AUNIP: variants seen among roughly 807,000 people sequenced by gnomAD.
The protein encoded by AUNIP is aurora kinase A- and ninein-interacting protein.
In AUNIP, 16 loss-of-function variants were observed where a neutral mutation model predicts 12.2. That is an observed-to-expected ratio of 1.31 (90% CI 0.88 to 1.99). The LOEUF (loss-of-function observed/expected upper bound fraction) is 1.99. Ranked by LOEUF, AUNIP falls within the 30% of genes most tolerant of loss-of-function variation. The pLI is 0.00. For synonymous variants in AUNIP, 142 were observed against 154.8 expected, an observed-to-expected ratio of 0.92 and a Z score of 0.61; for missense variants, 411 against 419.1, an observed-to-expected ratio of 0.98 and a Z score of 0.17.
chr1:25,854,109 G>T (rs1024042681), intron 1 of AUNIP, among the ~76,000 whole-genome samples: 2 of 152,092 alleles, frequency 1.3e-5, no homozygotes, highest in South Asian at 2.1e-4. Context: ...TACTCATAAG[G>T]TGAGGCAGGA....
At chr1:25,843,182 A>AT (rs1334874987) in intron 1 of AUNIP, among the ~76,000 whole-genome samples, 8,163 of 139,668 alleles carry the variant, frequency 0.058, 239 homozygotes, top group Non-Finnish European at 0.064. Flanking sequence ...CAAAAAAAAA[A>AT]AAAATATATA....
intron 1 of AUNIP, among the ~76,000 whole-genome samples, chr1:25,855,726 C>T (rs1446955894): frequency 6.6e-6 from 1 of 152,146 alleles, no homozygotes; most frequent in Non-Finnish European, 1.5e-5. Context: ...ACTGCCCATC[C>T]ATCCCTGACA....
intron 1 of AUNIP, among the ~76,000 whole-genome samples, chr1:25,838,683 TG>T (rs2048322953): frequency 1.3e-5 from 2 of 152,334 alleles, no homozygotes; most frequent in African/African-American, 4.8e-5. Context: ...AGAATGGAAC[TG>T]GAAGATAGGC....
intron 1 of AUNIP, among the ~76,000 whole-genome samples, chr1:25,842,429 GA>G (rs1397075307): frequency 2.0e-5 from 3 of 152,176 alleles, no homozygotes; most frequent in African/African-American, 7.2e-5. Context: ...GAGGTTGAAG[GA>G]AAAAAACTGT....
In AUNIP at chr1:25,834,890, C is replaced by T. The variant is rs1388675794; in HGVS notation, c.*103G>A. On this transcript the variant is annotated 3_prime_UTR_variant, in exon 3 of 3. Transcript: ENST00000374298. ...TCAGTAATGACAACTTCATCCCATG[C>T]CACCTTCCCACCTAAACAAACTCAC... The T allele has an allele frequency of 2.0e-6, 3 of 1,517,508 alleles. No homozygotes were observed. The highest frequency in any genetic ancestry group is 2.6e-6 in the Non-Finnish European group (3 of 1,139,454). 94.0% of individuals were successfully genotyped at this position (1,517,508 alleles called of 1,614,324 possible).
intron 1 of AUNIP, among the ~76,000 whole-genome samples, chr1:25,841,586 C>T (rs1023283790): frequency 1.3e-5 from 2 of 151,576 alleles, no homozygotes; most frequent in African/African-American, 2.4e-5. Context: ...TGCAGTGGCA[C>T]GATCTCGGCT....
chr1:25,833,101 G>C (rs1271451102), downstream of AUNIP, among the ~76,000 whole-genome samples: 2 of 151,970 alleles, frequency 1.3e-5, no homozygotes, highest in African/African-American at 2.4e-5. Context: ...CCTTTCTGTA[G>C]AGATTTTGCC....
At chr1:25,837,338 TG>T in intron 2 of AUNIP, 74 bp downstream of exon 2, 1 of 1,469,910 alleles carries the variant, frequency 6.8e-7, no homozygotes, top group Non-Finnish European at 9.2e-7. Flanking sequence ...TTCTCATAAA[TG>T]GTCTAACATG....
intron 1 of AUNIP, among the ~76,000 whole-genome samples, chr1:25,853,571 T>A (rs2048438374): frequency 6.6e-6 from 1 of 152,174 alleles, no homozygotes; most frequent in Admixed American, 6.6e-5. Context: ...CACCCCAGCC[T>A]GTGTGACAGA....
At chr1:25,849,811 T>C (rs980593579) in intron 1 of AUNIP, among the ~76,000 whole-genome samples, 1 of 152,124 alleles carries the variant, frequency 6.6e-6, no homozygotes, top group Non-Finnish European at 1.5e-5. Flanking sequence ...GTTTTGTATT[T>C]TTTTAGTAGA....
At chr1:25,854,360 T>C (rs748053351) in intron 1 of AUNIP, among the ~76,000 whole-genome samples, 1 of 152,194 alleles carries the variant, frequency 6.6e-6, no homozygotes, top group Non-Finnish European at 1.5e-5. Context: ...CCAAATTACT[T>C]ACATTCTTCC....
intron 1 of AUNIP, among the ~76,000 whole-genome samples, chr1:25,843,523 G>C (rs1220030444): frequency 7.4e-6 from 1 of 134,506 alleles, no homozygotes. Context: ...TCAGGAGACT[G>C]AGACTAAAGG....
At chr1:25,838,715 G>GTT (rs904113395) in intron 1 of AUNIP, among the ~76,000 whole-genome samples, 2 of 152,158 alleles carry the variant, frequency 1.3e-5, no homozygotes, top group African/African-American at 4.8e-5. Context: ...TGAAAAGTGA[G>GTT]TTGTCAACTA....
At chr1:25,832,175 G>A (rs2048253676), downstream of AUNIP, 2 of 1,545,318 alleles carry the variant, frequency 1.3e-6, no homozygotes, top group Non-Finnish European at 1.7e-6. Context: ...GAGAAGAGCT[G>A]GATTATATAT....
chr1:25,857,827 C>T (rs2048474986), intron 1 of AUNIP, among the ~76,000 whole-genome samples: 1 of 151,620 alleles, frequency 6.6e-6, no homozygotes, highest in Non-Finnish European at 1.5e-5. Flanking sequence ...CGCGCCACTG[C>T]ACTCCAGCAC....
downstream of AUNIP, among the ~76,000 whole-genome samples, chr1:25,833,210 G>A (rs2048269235): frequency 6.6e-6 from 1 of 151,950 alleles, no homozygotes; most frequent in South Asian, 2.1e-4. Context: ...AAACTCCTGG[G>A]CTCAAGTGAG....
intron 1 of AUNIP, among the ~76,000 whole-genome samples, chr1:25,843,943 T>A (rs1467793951): frequency 6.6e-6 from 1 of 152,110 alleles, no homozygotes; most frequent in East Asian, 1.9e-4. Flanking sequence ...AACAAAAAAT[T>A]TAGAATATTA....
rs2048289254 is a variant in AUNIP at position 25,835,183 on chromosome 1, T to C, written c.884A>G (p.Gln295Arg). Residue 295 changes from glutamine (Q) to arginine (R), a missense_variant, in exon 3 of 3, where the codon CAG becomes CGG. Gln to Arg is a conservative substitution (Grantham distance 43, BLOSUM62 1). Coordinates refer to ENST00000374298, the MANE Select transcript of AUNIP (RefSeq NM_024037.3). ...SQLFTEDSQG[Q>R]RVIAHNTRAP... ...TCTAGTGTTGTGGGCAATGACCCGC[T>C]GGCCTTGAGAATCTTCAGTGAAAAG... 4 of 1,614,118 alleles carry C rather than the reference T, an allele frequency of 2.5e-6. No individual in the cohort carries two copies. Among genetic ancestry groups the C allele is most frequent in the Non-Finnish European group, 2.5e-6 (3 of 1,180,056 alleles).
At chr1:25,848,572 A>C (rs2048403565) in intron 1 of AUNIP, among the ~76,000 whole-genome samples, 1 of 150,038 alleles carries the variant, frequency 6.7e-6, no homozygotes, top group South Asian at 2.1e-4. Flanking sequence ...GGAATGTCCC[A>C]CCTGATAGGA....
Sources: allele counts gnomAD v4.1 joint callset (sites outside exome capture counted in the v4.1 genomes callset), GRCh38; gene constraint gnomAD v4.1.1; transcripts MANE v1.5; gene names NCBI Gene and HGNC (gene_info 2026-07-23, HGNC 2026-07-21).